The following MAF variants were observed in gnomAD, a reference collection of about 807,000 sequenced individuals.
MAF encodes the protein MAF bZIP transcription factor, also known as transcription factor Maf.
In MAF, 10 loss-of-function variants were observed where a neutral mutation model predicts 22.0. The observed-to-expected ratio is 0.45, with a 90% confidence interval of 0.28 to 0.77. The LOEUF is 0.77. Ranked by LOEUF, MAF falls within the 30% of genes least tolerant of loss-of-function variation. The pLI is 0.12. For missense variants in MAF, 544 were observed against 548.4 expected, an observed-to-expected ratio of 0.99 and a Z score of 0.08; for synonymous variants, 337 against 255.8, an observed-to-expected ratio of 1.32 and a Z score of -3.03.
At chr16:79,349,434 A>C in the MAF span, among the ~76,000 whole-genome samples, 1 of 152,206 alleles carries the variant, frequency 6.6e-6, no homozygotes, top group East Asian at 1.9e-4. Context: ...TAGACCAAAT[A>C]CCCCTTCTCT....
chr16:79,362,955 A>G, the MAF span, among the ~76,000 whole-genome samples: 1 of 152,166 alleles, frequency 6.6e-6, no homozygotes, highest in East Asian at 1.9e-4. Context: ...TTTATGATTA[A>G]CTATCCAACT....
chr16:79,518,800 C>T, the MAF span, among the ~76,000 whole-genome samples: 2 of 152,144 alleles, frequency 1.3e-5, no homozygotes, highest in Non-Finnish European at 2.9e-5. Context: ...TGGCGCATGC[C>T]CATAATCCCA....
the MAF span, among the ~76,000 whole-genome samples, chr16:79,542,341 CT>C: frequency 2.5e-4 from 38 of 152,286 alleles, no homozygotes; most frequent in East Asian, 7.0e-3. Context: ...CAAGGCCCCC[CT>C]GGTGCGTGTT....
intron 1 of MAF, 155 bp from the exon 2 acceptor site, chr16:79,594,708 G>T (rs1597841828): frequency 5.0e-6 from 7 of 1,403,948 alleles, no homozygotes; most frequent in African/African-American, 1.5e-5. Context: ...GGAGTTCTTT[G>T]TAAGAAAAAA....
chr16:79,385,440 G>T, the MAF span, among the ~76,000 whole-genome samples: 1 of 152,040 alleles, frequency 6.6e-6, no homozygotes, highest in South Asian at 2.1e-4. Flanking sequence ...AACTCTGCCT[G>T]TTCTCTATGT....
At chr16:79,588,652 G>C (rs1597835473) in intron 1 of MAF, among the ~76,000 whole-genome samples, 1 of 151,930 alleles carries the variant, frequency 6.6e-6, no homozygotes, top group Non-Finnish European at 1.5e-5. Context: ...AGTAGAGACC[G>C]GGTTTCACCA....
the MAF span, among the ~76,000 whole-genome samples, chr16:79,432,435 A>C: frequency 6.6e-6 from 1 of 152,214 alleles, no homozygotes; most frequent in African/African-American, 2.4e-5. Context: ...TTAATTTATA[A>C]ATTAGGCACA....
At chr16:79,222,366 C>T in the MAF span, among the ~76,000 whole-genome samples, 2 of 152,092 alleles carry the variant, frequency 1.3e-5, no homozygotes, top group Non-Finnish European at 2.9e-5. Context: ...ACAACTGATA[C>T]CAGCCACTGC....
the MAF span, among the ~76,000 whole-genome samples, chr16:79,252,306 CTTTA>C: frequency 9.9e-5 from 15 of 151,542 alleles, 1 homozygote; most frequent in Middle Eastern, 3.2e-3. Flanking sequence ...TATAAATAAA[CTTTA>C]TTTATTTATA....
chr16:79,343,426 T>A, the MAF span, among the ~76,000 whole-genome samples: 1 of 152,208 alleles, frequency 6.6e-6, no homozygotes, highest in Non-Finnish European at 1.5e-5. Context: ...GTCATATTAT[T>A]GAAACCCACA....
At chr16:79,533,861 G>A in the MAF span, among the ~76,000 whole-genome samples, 147 of 152,218 alleles carry the variant, frequency 9.7e-4, no homozygotes, top group African/African-American at 3.5e-3. Context: ...CTCCTCTGTT[G>A]CCATCAAAAC....
the MAF span, among the ~76,000 whole-genome samples, chr16:79,441,551 C>G: frequency 6.6e-6 from 1 of 152,172 alleles, no homozygotes; most frequent in African/African-American, 2.4e-5. Context: ...ATTTCAATTT[C>G]ATAACATTTT....
In MAF at chr16:79,594,306, T is replaced by C. The variant is rs1913370391; in HGVS notation, c.*154A>G. On this transcript the variant is annotated 3_prime_UTR_variant, in exon 2 of 2. Transcript: ENST00000326043. ...CTATGAAACCCCCAGACAAGAGGCA[T>C]AGTTAACTACTACATTTAATAGCCT... 9.5e-6 allele frequency: 7 copies of C among 735,910 alleles called. No individual in the cohort carries two copies. Among genetic ancestry groups the C allele is most frequent in the Non-Finnish European group, 1.6e-5 (7 of 434,492 alleles). The allele number at this position is 735,910 out of a possible 1,614,324, so 45.6% of individuals were successfully genotyped here. A position where few individuals can be genotyped will look rare whatever the true frequency, so the allele number is the denominator to read the frequency against.
chr16:79,588,301 A>G (rs2143712540), intron 1 of MAF, among the ~76,000 whole-genome samples: 1 of 152,336 alleles, frequency 6.6e-6, no homozygotes, highest in South Asian at 2.1e-4. Flanking sequence ...TTACGTGGGA[A>G]GATTGCCCTA....
the MAF span, among the ~76,000 whole-genome samples, chr16:79,421,814 A>C: frequency 6.6e-6 from 1 of 151,628 alleles, no homozygotes; most frequent in Admixed American, 6.6e-5. Flanking sequence ...GTCTTGCTCT[A>C]TCCCCCAGGC....
the MAF span, among the ~76,000 whole-genome samples, chr16:79,348,973 T>C: frequency 0.16 from 24,360 of 152,140 alleles, 4,490 homozygotes; most frequent in African/African-American, 0.45. Flanking sequence ...GTGCCCACCA[T>C]CACTCCCCCT....
chr16:79,500,727 A>AT, the MAF span, among the ~76,000 whole-genome samples: 3 of 152,094 alleles, frequency 2.0e-5, no homozygotes, highest in East Asian at 1.9e-4. Flanking sequence ...CATCACAGTG[A>AT]TTTTTTACTA....
intron 1 of MAF, among the ~76,000 whole-genome samples, chr16:79,586,650 G>C (rs909428489): frequency 6.6e-6 from 1 of 152,114 alleles, no homozygotes; most frequent in East Asian, 1.9e-4. Flanking sequence ...AGCTTTCTAT[G>C]GTTCAAAAAA....
chr16:79,384,194 A>G, the MAF span, among the ~76,000 whole-genome samples: 1 of 152,144 alleles, frequency 6.6e-6, no homozygotes, highest in South Asian at 2.1e-4. Context: ...TTGTAATCTT[A>G]CCACTTTGGG....
Sources: gnomAD v4.1 joint callset for allele counts (sites outside exome capture counted in the v4.1 genomes callset) on GRCh38, gnomAD v4.1.1 for gene constraint, MANE v1.5 for transcripts, NCBI Gene and HGNC (gene_info 2026-07-23, HGNC 2026-07-21) for gene names.